PTPRD: variants seen among roughly 807,000 people sequenced by gnomAD.
PTPRD encodes protein tyrosine phosphatase receptor type D.
Under a neutral mutation model 214.5 loss-of-function variants are expected in PTPRD, and 34 were observed. That is an observed-to-expected ratio of 0.16 (90% confidence interval 0.12 to 0.21). PTPRD has a LOEUF of 0.21. Among genes scored for constraint, PTPRD ranks in the 10% least tolerant of loss-of-function variants. PTPRD has a pLI of 1.00. For synonymous variants in PTPRD, 1,128 were observed against 845.7 expected, an observed-to-expected ratio of 1.33 and a Z score of -5.79; for missense variants, 2,545 against 2,398.7, an observed-to-expected ratio of 1.06 and a Z score of -1.27.
At chr9:9,201,293 A>C (rs1593431588) in intron 9 of PTPRD, among the ~76,000 whole-genome samples, 1 of 152,138 alleles carries the variant, frequency 6.6e-6, no homozygotes, top group South Asian at 2.1e-4. Context: ...AAGAAATATA[A>C]ATAAACTCTT....
chr9:9,959,164 C>T (rs992663221), intron 4 of PTPRD, among the ~76,000 whole-genome samples: 9 of 151,966 alleles, frequency 5.9e-5, no homozygotes, highest in African/African-American at 2.2e-4. Flanking sequence ...TATTATTCAG[C>T]AATAAAAAGA....
At position 9,955,276 on chromosome 9, in the gene PTPRD, T is replaced by G. The variant is rs147438610; in HGVS notation, c.-471-16666A>C. ...GAACGAGTACTAAACGGTGAAAGTGTAAAATGACTTTATCATCCTGAAAGG... is the reference window on the plus strand; with the variant it reads ...GAACGAGTACTAAACGGTGAAAGTGGAAAATGACTTTATCATCCTGAAAGG... On this transcript the variant is annotated intron_variant, in intron 4 of 45. Coordinates refer to ENST00000381196, the MANE Select transcript of PTPRD (RefSeq NM_002839.4). 2.1e-3 allele frequency among the ~76,000 whole-genome samples: 317 copies of G among 152,276 alleles called. 2 individuals carry two copies. Among genetic ancestry groups the G allele is most frequent in the African/African-American group, 7.1e-3 (296 of 41,566 alleles).
intron 23 of PTPRD, among the ~76,000 whole-genome samples, chr9:8,501,858 A>G (rs1175977732): frequency 6.6e-6 from 1 of 152,196 alleles, no homozygotes; most frequent in Non-Finnish European, 1.5e-5. Context: ...TTCTTGAGAC[A>G]CCATTGCTAG....
At chr9:8,657,677 G>C (rs72700328) in intron 12 of PTPRD, among the ~76,000 whole-genome samples, 13,164 of 152,090 alleles carry the variant, frequency 0.087, 761 homozygotes, top group South Asian at 0.12. Flanking sequence ...TGTTGCAATT[G>C]TTTTTGGGGT....
chr9:9,987,208 G>C (rs544513571), intron 4 of PTPRD, among the ~76,000 whole-genome samples: 2 of 152,124 alleles, frequency 1.3e-5, no homozygotes, highest in Non-Finnish European at 2.9e-5. Context: ...AACATGGGTA[G>C]TGAATCTCCA....
At chr9:8,620,395 T>G (rs2095782423) in intron 14 of PTPRD, among the ~76,000 whole-genome samples, 1 of 152,068 alleles carries the variant, frequency 6.6e-6, no homozygotes, top group Admixed American at 6.6e-5. Context: ...GTTCAGAAAT[T>G]CATTTGTTGA....
At chr9:10,054,846 T>C (rs1326538805) in intron 3 of PTPRD, among the ~76,000 whole-genome samples, 2 of 152,122 alleles carry the variant, frequency 1.3e-5, no homozygotes, top group Non-Finnish European at 2.9e-5. Context: ...CTGAATGTTT[T>C]TGTCCCCTCA....
chr9:8,717,207 C>T (rs1425842440), intron 12 of PTPRD, among the ~76,000 whole-genome samples: 2 of 152,114 alleles, frequency 1.3e-5, no homozygotes, highest in East Asian at 3.9e-4. Context: ...AACTATGATA[C>T]CTCTAGGAGA....
At chr9:8,407,375 G>A (rs1456922167) in intron 35 of PTPRD, among the ~76,000 whole-genome samples, 1 of 152,120 alleles carries the variant, frequency 6.6e-6, no homozygotes, top group Non-Finnish European at 1.5e-5. Context: ...CTTACTGAGG[G>A]CCTACTTCGT....
chr9:10,567,071 T>C (rs555134328), intron 2 of PTPRD, among the ~76,000 whole-genome samples: 3 of 152,258 alleles, frequency 2.0e-5, no homozygotes, highest in South Asian at 2.1e-4. Flanking sequence ...TTACATAGTA[T>C]GTTTGCTTTT....
intron 39 of PTPRD, among the ~76,000 whole-genome samples, chr9:8,351,675 A>C (rs2075488204): frequency 6.9e-6 from 1 of 144,792 alleles, no homozygotes; most frequent in Admixed American, 7.1e-5. Flanking sequence ...CTGGCTTTTA[A>C]AGAGTGGATA....
chr9:9,354,876 C>T (rs913744433), intron 9 of PTPRD, among the ~76,000 whole-genome samples: 3 of 151,562 alleles, frequency 2.0e-5, no homozygotes, highest in African/African-American at 4.8e-5. Flanking sequence ...GGTGAGGTAA[C>T]AACTAGTGCA....
intron 7 of PTPRD, among the ~76,000 whole-genome samples, chr9:9,619,137 G>C (rs2095080759): frequency 6.6e-6 from 1 of 152,140 alleles, no homozygotes; most frequent in Admixed American, 6.6e-5. Flanking sequence ...GCAAACGCAT[G>C]AGTTGTGAGG....
intron 8 of PTPRD, among the ~76,000 whole-genome samples, chr9:9,471,946 T>G (rs919101009): frequency 6.6e-6 from 1 of 152,160 alleles, no homozygotes; most frequent in African/African-American, 2.4e-5. Context: ...CCTCAAATCC[T>G]GTTTCCTATA....
At chr9:8,963,714 G>T (rs2099170805) in intron 11 of PTPRD, among the ~76,000 whole-genome samples, 1 of 151,950 alleles carries the variant, frequency 6.6e-6, no homozygotes, top group African/African-American at 2.4e-5. Context: ...CAGCCTCCTG[G>T]GCTCAAGTCA....
intron 39 of PTPRD, among the ~76,000 whole-genome samples, chr9:8,362,011 G>T (rs183408283): frequency 6.6e-6 from 1 of 152,212 alleles, no homozygotes; most frequent in Non-Finnish European, 1.5e-5. Flanking sequence ...GACTTGATGA[G>T]ATTGCCCATG....
intron 5 of PTPRD, among the ~76,000 whole-genome samples, chr9:9,879,115 T>C (rs115324616): frequency 1.4e-3 from 209 of 152,358 alleles, no homozygotes; most frequent in African/African-American, 4.8e-3. Context: ...TGTGAATCTA[T>C]AATTTAGCCT....
chr9:10,064,832 T>C (rs1373131373), intron 3 of PTPRD, among the ~76,000 whole-genome samples: 1 of 151,966 alleles, frequency 6.6e-6, no homozygotes, highest in Non-Finnish European at 1.5e-5. Context: ...ATAAAATAAA[T>C]AAATAATTGT....
chr9:8,323,703 A>C (rs1315002458), intron 44 of PTPRD, among the ~76,000 whole-genome samples: 1 of 152,218 alleles, frequency 6.6e-6, no homozygotes, highest in Non-Finnish European at 1.5e-5. Flanking sequence ...GTTGTTCCTT[A>C]CGGATGAGCA....
Sources: gnomAD v4.1 joint callset for allele counts (sites outside exome capture counted in the v4.1 genomes callset) on GRCh38, gnomAD v4.1.1 for gene constraint, MANE v1.5 for transcripts, NCBI Gene and HGNC (gene_info 2026-07-23, HGNC 2026-07-21) for gene names.